Variants in HIVEP3 observed in about 807,000 individuals in gnomAD.
HIVEP3 encodes transcription factor HIVEP3.
In HIVEP3, 49 loss-of-function variants were observed where a neutral mutation model predicts 152.8. That is an observed-to-expected ratio of 0.32 (90% CI 0.26 to 0.41). HIVEP3 has a LOEUF of 0.41. Ranked by LOEUF, HIVEP3 falls within the 10% of genes least tolerant of loss-of-function variation. The pLI is 1.00. For synonymous variants in HIVEP3, 1,269 were observed against 1,289.0 expected (o/e 0.98, Z 0.33); for missense variants, 2,790 against 3,103.3 (o/e 0.90, Z 2.40).
At chr1:41,792,831 C>T (rs1413040403) in intron 1 of HIVEP3, among the ~76,000 whole-genome samples, 2 of 152,228 alleles carry the variant, frequency 1.3e-5, no homozygotes, top group African/African-American at 4.8e-5. Flanking sequence ...ACTTCCAGAA[C>T]CATAGCCAGA....
chr1:41,921,944 A>G (rs974520550), upstream of HIVEP3, among the ~76,000 whole-genome samples: 7 of 152,094 alleles, frequency 4.6e-5, no homozygotes, highest in Admixed American at 4.6e-4. Flanking sequence ...CACACACCAC[A>G]TGCACACAAA....
chr1:41,620,740 T>C (rs1645035651), intron 3 of HIVEP3, among the ~76,000 whole-genome samples: 1 of 152,138 alleles, frequency 6.6e-6, no homozygotes, highest in Non-Finnish European at 1.5e-5. Flanking sequence ...TAGTGCTACC[T>C]CTAAACTCCA....
intron 5 of HIVEP3, among the ~76,000 whole-genome samples, chr1:41,561,162 T>C (rs758979396): frequency 2.6e-5 from 4 of 152,136 alleles, no homozygotes; most frequent in Non-Finnish European, 5.9e-5. Context: ...AGATAGTTCA[T>C]CCAAACCACA....
chr1:41,684,213 G>C (rs986824208), intron 2 of HIVEP3, among the ~76,000 whole-genome samples: 2 of 152,172 alleles, frequency 1.3e-5, no homozygotes, highest in African/African-American at 4.8e-5. Context: ...TCCTGGAGGT[G>C]ACTCAGCGAG....
upstream of HIVEP3, among the ~76,000 whole-genome samples, chr1:41,923,833 C>A (rs137862214): frequency 2.6e-3 from 393 of 152,100 alleles, 1 homozygote; most frequent in African/African-American, 8.4e-3. Context: ...TTCACATACA[C>A]AAAAATTCCA....
At chr1:41,780,654 A>G (rs537082788) in intron 1 of HIVEP3, among the ~76,000 whole-genome samples, 3 of 152,326 alleles carry the variant, frequency 2.0e-5, no homozygotes, top group Admixed American at 6.5e-5. Flanking sequence ...AATAGACACA[A>G]ATGCAGGACC....
chr1:41,549,546 A>C (rs981898539), intron 5 of HIVEP3, among the ~76,000 whole-genome samples: 1 of 152,108 alleles, frequency 6.6e-6, no homozygotes, highest in African/African-American at 2.4e-5. Context: ...TTGTTTCCTC[A>C]CTTTTTAATG....
At chr1:41,982,386 C>T (rs1645298199) in intron 1 of HIVEP3, among the ~76,000 whole-genome samples, 1 of 152,156 alleles carries the variant, frequency 6.6e-6, no homozygotes, top group Admixed American at 6.5e-5. Flanking sequence ...CTGTTGTACT[C>T]AAAGGTTCCA....
At chr1:41,815,804 C>G (rs371770399) in intron 1 of HIVEP3, among the ~76,000 whole-genome samples, 1 of 150,910 alleles carries the variant, frequency 6.6e-6, no homozygotes, top group Non-Finnish European at 1.5e-5. Context: ...AAGTCTCTCT[C>G]TGTTGCCCAA....
intron 2 of HIVEP3, among the ~76,000 whole-genome samples, chr1:41,683,427 A>G (rs978096791): frequency 3.9e-5 from 6 of 152,238 alleles, no homozygotes; most frequent in Admixed American, 6.5e-5. Context: ...AGCCACAGAC[A>G]TCCTTGCATC....
chr1:41,510,225 T>C lies in HIVEP3; in HGVS notation c.*226A>G. ...AGACTCCTCGTGGGTTGTTGTTTTTTTTTTAAATGTATGTATGTGATTTGT... is the reference window on the plus strand; with the variant it reads ...AGACTCCTCGTGGGTTGTTGTTTTTCTTTTAAATGTATGTATGTGATTTGT... On this transcript the variant is annotated 3_prime_UTR_variant, in exon 9 of 9. Transcript: ENST00000372583. 2.6e-6 allele frequency: 1 copy of C among 389,304 alleles called. No homozygotes were observed. The highest frequency in any genetic ancestry group is 4.5e-6 in the Non-Finnish European group (1 of 221,786). The allele number at this position is 389,304 out of a possible 1,614,324, so 24.1% of individuals were successfully genotyped here.
At chr1:41,910,902 G>C (rs544789216) in intron 1 of HIVEP3, among the ~76,000 whole-genome samples, 3 of 151,962 alleles carry the variant, frequency 2.0e-5, no homozygotes, top group Non-Finnish European at 4.4e-5. Context: ...GGAAAACGTT[G>C]AACATGAAAG....
chr1:41,721,301 A>G (rs988251545), intron 1 of HIVEP3, among the ~76,000 whole-genome samples: 2 of 151,762 alleles, frequency 1.3e-5, no homozygotes, highest in Non-Finnish European at 2.9e-5. Flanking sequence ...TCCACATCCC[A>G]GGTTCAAGCG....
chr1:41,926,922 C>A (rs546489094), intron 1 of HIVEP3, among the ~76,000 whole-genome samples: 1 of 152,202 alleles, frequency 6.6e-6, no homozygotes, highest in South Asian at 2.1e-4. Context: ...ACTCTGACAA[C>A]CCTGATAAGC....
rs74550900 is a variant in HIVEP3 at position 41,768,142 on chromosome 1, C to T, written c.-800-67147G>A. On this transcript the variant is annotated intron_variant, in intron 1 of 8. Coordinates refer to ENST00000372583, the MANE Select transcript of HIVEP3 (RefSeq NM_024503.5). Reference sequence around the variant, plus strand: ...AGTTCATTTTCACGCTGCTGATAGACATAACTGAGACTCGGAAGAAAAAGA... The same window carrying T: ...AGTTCATTTTCACGCTGCTGATAGATATAACTGAGACTCGGAAGAAAAAGA... Among the ~76,000 whole-genome samples, 801 of 152,284 alleles carry T rather than the reference C, an allele frequency of 5.3e-3. 6 individuals are homozygous for T. The highest frequency in any genetic ancestry group is 0.018 in the African/African-American group (757 of 41,560).
chr1:41,790,578 G>A (rs1020843400), intron 1 of HIVEP3, among the ~76,000 whole-genome samples: 1 of 152,146 alleles, frequency 6.6e-6, no homozygotes, highest in African/African-American at 2.4e-5. Flanking sequence ...TAAATCTAGT[G>A]CACAGAATGT....
chr1:41,616,805 G>A (rs1412047400), intron 3 of HIVEP3, among the ~76,000 whole-genome samples: 4 of 152,124 alleles, frequency 2.6e-5, no homozygotes, highest in Middle Eastern at 3.4e-3. Context: ...CTCAGCACTC[G>A]GCCTTCCTCA....
intron 1 of HIVEP3, among the ~76,000 whole-genome samples, chr1:41,793,179 C>T (rs558692565): frequency 1.3e-5 from 2 of 152,336 alleles, no homozygotes; most frequent in Admixed American, 1.3e-4. Context: ...CTTGGGACCT[C>T]CTGCCTTCTG....
intron 1 of HIVEP3, among the ~76,000 whole-genome samples, chr1:41,777,793 C>G (rs1427206964): frequency 6.6e-6 from 1 of 152,234 alleles, no homozygotes; most frequent in African/African-American, 2.4e-5. Flanking sequence ...CCACGTGTGT[C>G]ATGCATTTAA....
Sources: gnomAD v4.1 joint callset for allele counts (sites outside exome capture counted in the v4.1 genomes callset) on GRCh38, gnomAD v4.1.1 for gene constraint, MANE v1.5 for transcripts, NCBI Gene and HGNC (gene_info 2026-07-23, HGNC 2026-07-21) for gene names.